Variants in PLCXD3 observed in about 807,000 individuals in gnomAD.
The protein encoded by PLCXD3 is phosphatidylinositol specific phospholipase C X domain containing 3.
A neutral mutation model predicts 25.5 loss-of-function variants in PLCXD3; 19 were observed. That is an observed-to-expected ratio of 0.75 (90% CI 0.52 to 1.09). The LOEUF (loss-of-function observed/expected upper bound fraction) is 1.09. Ranked by LOEUF, PLCXD3 falls within the 50% of genes least tolerant of loss-of-function variation. The pLI is 0.00. For synonymous variants in PLCXD3, 174 were observed against 137.6 expected (o/e 1.26, Z -1.85); for missense variants, 411 against 388.1 (o/e 1.06, Z -0.50).
Position 41,382,050 on chromosome 5 carries a change from A to C in PLCXD3, c.588T>G (p.His196Gln). ...EKDYQVLVFY[H>Q]SPVALEVPFL... is the part of the protein sequence containing the mutation. ...AGGGCACTTCCAGAGCCACTGGACT[A>C]TGGTAGAAGACCAGCACTTGATAGT... The change falls in exon 2 of 3, where the codon CAT (histidine) becomes CAG (glutamine). Residue 196 changes from histidine to glutamine, a missense_variant. Physicochemically the swap from His to Gln is conservative, Grantham distance 24. Coordinates refer to ENST00000377801, the MANE Select transcript of PLCXD3 (RefSeq NM_001005473.3). 6.2e-7 allele frequency: 1 copy of C among 1,613,642 alleles called. No individual in the cohort carries two copies.
intron 1 of PLCXD3, among the ~76,000 whole-genome samples, chr5:41,388,244 CA>C (rs1329017494): frequency 6.6e-6 from 1 of 152,022 alleles, no homozygotes; most frequent in Non-Finnish European, 1.5e-5. Context: ...ATTCTTTCAA[CA>C]GACATTTACT....
At chr5:41,364,120 AC>A (rs1744870146) in intron 2 of PLCXD3, among the ~76,000 whole-genome samples, 1 of 152,050 alleles carries the variant, frequency 6.6e-6, no homozygotes, top group Non-Finnish European at 1.5e-5. Context: ...ATAACTGGAG[AC>A]ATTTTTTTCA....
rs541457296 is a variant in PLCXD3 at position 41,391,757 on chromosome 5, C to T, written c.104-9223G>A. On this transcript the variant is annotated intron_variant, in intron 1 of 2. Transcript: ENST00000377801. The stretch of plus-strand genomic sequence containing the variant: ...GCACCAAGTGGGTTCTTGGGGTCCT[C>T]GATTTCAGGACTTGACTCTTGAACA... Among the ~76,000 whole-genome samples, 10 of 152,216 alleles carry T rather than the reference C, an allele frequency of 6.6e-5. No homozygotes were observed. In the South Asian group the frequency reaches 8.3e-4, roughly 13 times the overall value.
At chr5:41,391,591 C>T (rs1163547048) in intron 1 of PLCXD3, among the ~76,000 whole-genome samples, 1 of 152,154 alleles carries the variant, frequency 6.6e-6, no homozygotes, top group African/African-American at 2.4e-5. Context: ...TTTGGGTGAG[C>T]CTCTAAGACT....
chr5:41,464,152 T>G (rs1747956883), intron 1 of PLCXD3, among the ~76,000 whole-genome samples: 1 of 152,044 alleles, frequency 6.6e-6, no homozygotes, highest in African/African-American at 2.4e-5. Flanking sequence ...TCCCTCAGTC[T>G]GCCCTGACTG....
At chr5:41,341,625 G>T (rs78466692) in intron 2 of PLCXD3, among the ~76,000 whole-genome samples, 1 of 152,138 alleles carries the variant, frequency 6.6e-6, no homozygotes, top group Non-Finnish European at 1.5e-5. Context: ...TTACCTGTTT[G>T]CAATATTACC....
intron 2 of PLCXD3, among the ~76,000 whole-genome samples, chr5:41,379,026 A>G (rs1374720524): frequency 6.6e-6 from 1 of 152,156 alleles, no homozygotes; most frequent in African/African-American, 2.4e-5. Context: ...AGCATTTAAT[A>G]CAAGCAAGTG....
intron 2 of PLCXD3, among the ~76,000 whole-genome samples, chr5:41,374,067 A>G (rs1030812736): frequency 2.6e-5 from 4 of 152,080 alleles, no homozygotes; most frequent in African/African-American, 4.8e-5. Flanking sequence ...AGGAAGAACT[A>G]ACTGAGCCTA....
At position 41,380,735 on chromosome 5, in the gene PLCXD3, G is replaced by A. The variant is rs929528160; in HGVS notation, c.812+1091C>T. Among the ~76,000 whole-genome samples, 4 of 152,180 alleles carry A rather than the reference G, an allele frequency of 2.6e-5. No homozygotes were observed. The South Asian group carries it at 8.3e-4, about 32-fold the overall frequency. On this transcript the variant is annotated intron_variant, in intron 2 of 2. Transcript: ENST00000377801. ...AAAACATTCATGCTGTGTCTCTTTA[G>A]CATAATTCGAAATGTCAGTGAAAGA...
intron 2 of PLCXD3, among the ~76,000 whole-genome samples, chr5:41,377,095 T>A (rs528875658): frequency 6.6e-6 from 1 of 152,242 alleles, no homozygotes; most frequent in South Asian, 2.1e-4. Flanking sequence ...CTTTTGTGAA[T>A]AAACGGATAG....
chr5:41,335,246 A>T (rs1743946521), intron 2 of PLCXD3, among the ~76,000 whole-genome samples: 1 of 152,174 alleles, frequency 6.6e-6, no homozygotes. Context: ...GATAAGAAAG[A>T]GCTGTGATGA....
chr5:41,322,746 G>A (rs775622279), intron 2 of PLCXD3, among the ~76,000 whole-genome samples: 2 of 152,210 alleles, frequency 1.3e-5, no homozygotes, highest in Non-Finnish European at 2.9e-5. Context: ...GGAGGCTGAG[G>A]TGGGCAGATC....
intron 1 of PLCXD3, among the ~76,000 whole-genome samples, chr5:41,499,247 A>C (rs1222657483): frequency 6.6e-6 from 1 of 151,670 alleles, no homozygotes; most frequent in Non-Finnish European, 1.5e-5. Context: ...ATATGTAAAA[A>C]ACTAGATTCC....
At position 41,377,548 on chromosome 5, in the gene PLCXD3, G is replaced by C. The variant is rs546493062; in HGVS notation, c.812+4278C>G. On this transcript the variant is annotated intron_variant, in intron 2 of 2. Transcript: ENST00000377801. ...CCTTCTTTTTAAGAATGTGTGAATTGCATGGGGGTGAGGTGCAAAAACTGG... is the reference window on the plus strand; with the variant it reads ...CCTTCTTTTTAAGAATGTGTGAATTCCATGGGGGTGAGGTGCAAAAACTGG... 8.5e-5 allele frequency among the ~76,000 whole-genome samples: 13 copies of C among 152,122 alleles called. No individual in the cohort carries two copies. The South Asian group carries it at 2.7e-3, about 32-fold the overall frequency.
chr5:41,394,030 T>C (rs1000726220), intron 1 of PLCXD3, among the ~76,000 whole-genome samples: 1 of 149,672 alleles, frequency 6.7e-6, no homozygotes, highest in African/African-American at 2.4e-5. Context: ...ACTACTCTTA[T>C]CCTAAGTAAA....
intron 1 of PLCXD3, chr5:41,475,537 T>C: frequency 2.0e-6 from 1 of 507,464 alleles, no homozygotes; most frequent in Admixed American, 2.1e-5. Flanking sequence ...TCTCTATTTA[T>C]CTCTACTTAT....
At position 41,313,302 on chromosome 5, in the gene PLCXD3, A is replaced by G. The variant is rs1743192186; in HGVS notation, c.*315T>C. 1.1e-5 allele frequency: 3 copies of G among 271,886 alleles called. No homozygotes were observed. The South Asian group carries it at 1.3e-4, about 12-fold the overall frequency. The allele number at this position is 271,886 out of a possible 1,614,324, so 16.8% of individuals were successfully genotyped here. On this transcript the variant is annotated 3_prime_UTR_variant, in exon 3 of 3. Coordinates refer to ENST00000377801, the MANE Select transcript of PLCXD3 (RefSeq NM_001005473.3). ...CGTAGGAGTCATAGGCTGGAAATAG[A>G]GAACCTAATCAAGTAAACACTCATG... is the stretch of plus-strand genomic sequence containing the variant.
intron 1 of PLCXD3, among the ~76,000 whole-genome samples, chr5:41,452,681 G>A (rs1747662807): frequency 6.6e-6 from 1 of 152,002 alleles, no homozygotes; most frequent in Non-Finnish European, 1.5e-5. Context: ...CTACTTCAAG[G>A]TCAGTGTGGG....
chr5:41,416,279 C>CA (rs1432057004), intron 1 of PLCXD3, among the ~76,000 whole-genome samples: 17 of 152,204 alleles, frequency 1.1e-4, no homozygotes, highest in African/African-American at 3.9e-4. Flanking sequence ...GTATCTAGGA[C>CA]ATTTAGCTTT....
Sources: allele counts gnomAD v4.1 joint callset (sites outside exome capture counted in the v4.1 genomes callset), GRCh38; gene constraint gnomAD v4.1.1; transcripts MANE v1.5; gene names NCBI Gene and HGNC (gene_info 2026-07-23, HGNC 2026-07-21).